The following PRORP variants were observed in gnomAD, a reference collection of about 807,000 sequenced individuals.
PRORP encodes protein only RNase P catalytic subunit.
Under a neutral mutation model 59.4 loss-of-function variants are expected in PRORP, and 51 were observed. The observed-to-expected ratio is 0.86, with a 90% CI of 0.69 to 1.08. The LOEUF (loss-of-function observed/expected upper bound fraction) is 1.08. Among genes scored for constraint, PRORP ranks in the 50% least tolerant of loss-of-function variants. The probability of loss-of-function intolerance (pLI) is 0.00; values close to 1 mark genes in which losing one functional copy is unlikely to be tolerated. For missense variants in PRORP, 646 were observed against 690.3 expected, an observed-to-expected ratio of 0.94 and a Z score of 0.72; for synonymous variants, 231 against 245.6, an observed-to-expected ratio of 0.94 and a Z score of 0.55.
chr14:35,153,952 G>A (rs2047847074), intron 4 of PRORP, among the ~76,000 whole-genome samples: 1 of 152,124 alleles, frequency 6.6e-6, no homozygotes, highest in African/African-American at 2.4e-5. Context: ...ACTGTTATGA[G>A]TACTTTATAA....
rs1045962623 is a variant in PRORP at position 35,180,865 on chromosome 14, A to G, written c.1275+88A>G. On this transcript the variant is annotated intron_variant, in intron 5 of 7. Coordinates refer to ENST00000534898, the MANE Select transcript of PRORP (RefSeq NM_014672.4). ...ACCTTCTTGGGGCTCTTAGCTCCTC[A>G]GTTTTTCTTCCTCTAAAACTAAGGT... 9 of 825,644 alleles carry G rather than the reference A, an allele frequency of 1.1e-5. No homozygotes were observed. The Admixed American group carries it at 2.3e-4, about 21-fold the overall frequency. 51.1% of individuals were successfully genotyped at this position (825,644 alleles called of 1,614,324 possible). A position where few individuals can be genotyped will look rare whatever the true frequency, so the allele number is the denominator to read the frequency against.
chr14:35,197,681 G>A (rs904143850), intron 5 of PRORP, among the ~76,000 whole-genome samples: 11 of 152,150 alleles, frequency 7.2e-5, no homozygotes, highest in Non-Finnish European at 7.4e-5. Context: ...GTTCCTTAGA[G>A]TATTCACTCT....
At chr14:35,148,577 A>G (rs981136806) in intron 4 of PRORP, among the ~76,000 whole-genome samples, 52 of 152,314 alleles carry the variant, frequency 3.4e-4, no homozygotes, top group African/African-American at 1.2e-3. Flanking sequence ...TGGAATGGTA[A>G]ACGGGCATTG....
intron 4 of PRORP, among the ~76,000 whole-genome samples, chr14:35,139,493 T>A (rs2047438566): frequency 7.1e-6 from 1 of 140,888 alleles, no homozygotes; most frequent in Non-Finnish European, 1.6e-5. Context: ...CAATATATAC[T>A]TTTTTTTTTG....
chr14:35,195,742 G>A (rs920814925), intron 5 of PRORP, among the ~76,000 whole-genome samples: 1 of 151,982 alleles, frequency 6.6e-6, no homozygotes, highest in Non-Finnish European at 1.5e-5. Context: ...ATGATTCTTA[G>A]GGTAGAAATC....
chr14:35,158,342 C>T, intron 4 of PRORP: 1 of 293,036 alleles, frequency 3.4e-6, no homozygotes, highest in Non-Finnish European at 6.9e-6. Flanking sequence ...ATTGTAAAAA[C>T]AATGTTCACC....
chr14:35,248,732 G>A (rs1313924361), intron 5 of PRORP, among the ~76,000 whole-genome samples: 2 of 152,218 alleles, frequency 1.3e-5, no homozygotes, highest in African/African-American at 4.8e-5. Context: ...ACAGAAAAAT[G>A]TTGAATATAG....
chr14:35,240,652 T>C (rs1181024972), intron 5 of PRORP, among the ~76,000 whole-genome samples: 1 of 152,186 alleles, frequency 6.6e-6, no homozygotes, highest in Admixed American at 6.5e-5. Flanking sequence ...ATTAGATTGT[T>C]CTTAAAATTT....
At position 35,129,077 on chromosome 14, in the gene PRORP, G is replaced by T. The variant is rs1001833786; in HGVS notation, c.1167+1466G>T. Among the ~76,000 whole-genome samples, 13 of 151,754 alleles carry T rather than the reference G, an allele frequency of 8.6e-5. No individual in the cohort carries two copies. In the South Asian group the frequency reaches 2.5e-3, roughly 29 times the overall value. On this transcript the variant is annotated intron_variant, in intron 4 of 7. Transcript: ENST00000534898. ...AAAAAAATTAGCTGGGCATGGCGGC[G>T]CACGCTGGTAATCCCAGCTACTCGT...
At chr14:35,258,022 T>C (rs906634903) in intron 5 of PRORP, among the ~76,000 whole-genome samples, 13 of 151,540 alleles carry the variant, frequency 8.6e-5, no homozygotes, top group African/African-American at 3.2e-4. Context: ...TTTTCATCAG[T>C]TTTATGCCAA....
chr14:35,245,409 G>A (rs774782911), intron 5 of PRORP, among the ~76,000 whole-genome samples: 40 of 152,224 alleles, frequency 2.6e-4, no homozygotes, highest in Admixed American at 1.4e-3. Context: ...TTGGGAGGCC[G>A]AGGCGGGCAG....
rs190804034 is a variant in PRORP at position 35,124,326 on chromosome 14, G to A, written c.986+95G>A. On this transcript the variant is annotated intron_variant, in intron 2 of 7. Coordinates refer to ENST00000534898, the MANE Select transcript of PRORP (RefSeq NM_014672.4). ...TCTGTTGCCCAGACTGGAGTGCAGT[G>A]GTGTGTTCATAGCTCACTGTAACCT... 26 of 795,116 alleles carry A rather than the reference G, an allele frequency of 3.3e-5. No individual in the cohort carries two copies. In the East Asian group the frequency reaches 6.9e-4, roughly 21 times the overall value. 49.3% of individuals were successfully genotyped at this position (795,116 alleles called of 1,614,324 possible). A position where few individuals can be genotyped will look rare whatever the true frequency, so the allele number is the denominator to read the frequency against.
chr14:35,236,193 A>G (rs1482652918), intron 5 of PRORP, among the ~76,000 whole-genome samples: 2 of 151,862 alleles, frequency 1.3e-5, no homozygotes, highest in Non-Finnish European at 2.9e-5. Flanking sequence ...TAACAGGATT[A>G]GACATGTCTC....
intron 5 of PRORP, chr14:35,235,312 A>AGCTTC (rs2050182794): frequency 2.9e-6 from 2 of 691,626 alleles, no homozygotes; most frequent in Admixed American, 3.6e-5. Flanking sequence ...TGGTCCTGAT[A>AGCTTC]GCTTCCACCA....
chr14:35,149,307 T>G (rs1007720523), intron 4 of PRORP, among the ~76,000 whole-genome samples: 19 of 151,980 alleles, frequency 1.3e-4, no homozygotes, highest in African/African-American at 4.6e-4. Context: ...CTCGAACTCC[T>G]GTGCTCAAGT....
In PRORP at chr14:35,217,290, C is replaced by T. The variant is rs1000542539; in HGVS notation, c.1275+36513C>T. ...CCAAGGTGGGCAGATCACCTGAGGTCAGGAGTTCTAGACCAGCCTTGCCAA... is the reference window on the plus strand; with the variant it reads ...CCAAGGTGGGCAGATCACCTGAGGTTAGGAGTTCTAGACCAGCCTTGCCAA... On this transcript the variant is annotated intron_variant, in intron 5 of 7. Transcript: ENST00000534898. 5.3e-5 allele frequency among the ~76,000 whole-genome samples: 8 copies of T among 152,040 alleles called. No homozygotes were observed. The South Asian group carries it at 1.7e-3, about 32-fold the overall frequency.
intron 5 of PRORP, among the ~76,000 whole-genome samples, chr14:35,205,433 G>C (rs1457718420): frequency 6.6e-6 from 1 of 152,058 alleles, no homozygotes; most frequent in African/African-American, 2.4e-5. Context: ...CAGGCAATCT[G>C]TCCACCTCGG....
At chr14:35,219,246 G>A (rs1381493570) in intron 5 of PRORP, 7 of 152,228 alleles carry the variant, frequency 4.6e-5, no homozygotes, top group Admixed American at 4.6e-4. Flanking sequence ...CTGCCTGCCA[G>A]GAATGCGACT....
At position 35,241,360 on chromosome 14, in the gene PRORP, A is replaced by G. The variant is rs544585313; in HGVS notation, c.1276-25367A>G. ...GCCACTGCACGCCAGCCTGGGTGAC[A>G]GAGGGAGACTCCGTCTCAAAAAAAA... On this transcript the variant is annotated intron_variant, in intron 5 of 7. Transcript: ENST00000534898. Among the ~76,000 whole-genome samples, 1,190 of 151,754 alleles carry G rather than the reference A, an allele frequency of 7.8e-3. 26 individuals are homozygous for G. The highest frequency in any genetic ancestry group is 0.028 in the African/African-American group (1,151 of 41,278).
Sources: allele counts gnomAD v4.1 joint callset (sites outside exome capture counted in the v4.1 genomes callset), GRCh38; gene constraint gnomAD v4.1.1; transcripts MANE v1.5; gene names NCBI Gene and HGNC (gene_info 2026-07-23, HGNC 2026-07-21).